The following HINFP variants were observed in gnomAD, a reference collection of about 807,000 sequenced individuals.
HINFP encodes the protein histone H4 transcription factor, also known as MBD2 (methyl-CpG-binding protein)-interacting zinc finger protein.
A neutral mutation model predicts 50.1 loss-of-function variants in HINFP; 20 were observed. The observed-to-expected ratio is 0.40, with a 90% CI of 0.28 to 0.58. The LOEUF (loss-of-function observed/expected upper bound fraction) is 0.58. Ranked by LOEUF, HINFP falls within the 20% of genes least tolerant of loss-of-function variation. The pLI is 0.45. For synonymous variants in HINFP, 247 were observed against 243.7 expected, an observed-to-expected ratio of 1.01 and a Z score of -0.13; for missense variants, 505 against 664.1, an observed-to-expected ratio of 0.76 and a Z score of 2.63.
At position 119,131,866 on chromosome 11, in the gene HINFP, G is replaced by A. The variant is rs761206642; in HGVS notation, c.560G>A (p.Arg187Gln). The A allele has an allele frequency of 1.4e-5, 23 of 1,614,012 alleles. No homozygotes were observed. The highest frequency in any genetic ancestry group is 7.7e-5 in the South Asian group (7 of 91,080). Residue 187 changes from arginine (R) to glutamine (Q), a missense_variant, in exon 5 of 10, where the codon CGA becomes CAA. By Grantham distance (43) the Arg-to-Gln change is conservative. Transcript: ENST00000350777. The surrounding 1 kb of genome is among the most constrained non-coding windows in gnomAD (Gnocchi z 4.2). ...ACCTTCAAGGACCGCAGTAAACTTCGAGAGCACCTCCGCAGCCATACCCAG... is the reference window on the plus strand; with the variant it reads ...ACCTTCAAGGACCGCAGTAAACTTCAAGAGCACCTCCGCAGCCATACCCAG... Reference protein sequence around the residue: ...TCTFKDRSKLREHLRSHTQEK... With the variant: ...TCTFKDRSKLQEHLRSHTQEK...
chr11:119,134,113 G>A lies in HINFP; in HGVS notation c.1169G>A (p.Arg390Gln), dbSNP rs755237577. ...AAGGAACATGAAGATGGCTATATGC[G>A]GCTGCAGCTGGTTCGCTACGAGAGT... ...RYKEHEDGYM[R>Q]LQLVRYESVE... is the part of the protein sequence containing the mutation. Residue 390 changes from arginine (R) to glutamine (Q), a missense_variant, in exon 10 of 10, where the codon CGG becomes CAG. By Grantham distance (43) the Arg-to-Gln change is conservative. Transcript: ENST00000350777. This position sits in a 1 kb window ranked among gnomAD's most constrained non-coding sequence, Gnocchi z 4.3. 3.7e-6 allele frequency: 6 copies of A among 1,614,128 alleles called. No individual in the cohort carries two copies. The highest frequency in any genetic ancestry group is 2.2e-5 in the East Asian group (1 of 44,872).
At chr11:119,122,960 T>C (rs1947157509) in intron 1 of HINFP, among the ~76,000 whole-genome samples, 3 of 151,862 alleles carry the variant, frequency 2.0e-5, no homozygotes, top group African/African-American at 7.3e-5. Context: ...TCGTCTCTAC[T>C]AATACTACAA....
At position 119,130,608 on chromosome 11, in the gene HINFP, T is replaced by A. The variant is rs1947696597; in HGVS notation, c.182-117T>A. The A allele has an allele frequency of 4.9e-6, 4 of 812,952 alleles. No individual in the cohort carries two copies. The East Asian group carries it at 9.9e-5, about 20-fold the overall frequency. The allele number at this position is 812,952 out of a possible 1,614,324, so 50.4% of individuals were successfully genotyped here. On this transcript the variant is annotated intron_variant, in intron 2 of 9. Coordinates refer to ENST00000350777, the MANE Select transcript of HINFP (RefSeq NM_198971.3). ...TGCTAAATGAACCCTGGTAATTTGG[T>A]TAGAGTCCAGCCTCCTCACGAGTCC... is the stretch of plus-strand genomic sequence containing the variant.
In HINFP at chr11:119,134,135, G is replaced by A. The variant is rs1241481966; in HGVS notation, c.1191G>A (p.Glu397=). ...GYMRLQLVRY[E]SVELTQQLLR... ...TGCGGCTGCAGCTGGTTCGCTACGAGAGTGTAGAGCTGACACAGCAACTGC... is the reference window on the plus strand; with the variant it reads ...TGCGGCTGCAGCTGGTTCGCTACGAAAGTGTAGAGCTGACACAGCAACTGC... The change falls in exon 10 of 10, where the codon GAG becomes GAA. Residue 397 remains glutamate (E), a synonymous_variant. Coordinates refer to ENST00000350777, the MANE Select transcript of HINFP (RefSeq NM_198971.3). The surrounding 1 kb of genome is among the most constrained non-coding windows in gnomAD (Gnocchi z 4.3). The A allele has an allele frequency of 5.6e-6, 9 of 1,614,226 alleles. No individual in the cohort carries two copies. Among genetic ancestry groups the A allele is most frequent in the Non-Finnish European group, 7.6e-6 (9 of 1,180,034 alleles).
At chr11:119,127,205 G>T (rs923800543) in intron 2 of HINFP, 80 bp downstream of exon 2, 12 of 1,210,312 alleles carry the variant, frequency 9.9e-6, no homozygotes, top group Non-Finnish European at 1.3e-5. Flanking sequence ...GAGGGAGAAG[G>T]CGGCCTAAGA....
In HINFP at chr11:119,134,628, C is replaced by G; in HGVS notation, c.*130C>G. 1 of 680,616 alleles carries G rather than the reference C, an allele frequency of 1.5e-6. No homozygotes were observed. The highest frequency in any genetic ancestry group is 2.4e-6 in the Non-Finnish European group (1 of 414,558). The allele number at this position is 680,616 out of a possible 1,614,324, so 42.2% of individuals were successfully genotyped here. ...GGTGCCGAGAGCAGTGTGGTCCACTCTGGCCTGGGTTTGCATCATTCTGCA... is the reference window on the plus strand; with the variant it reads ...GGTGCCGAGAGCAGTGTGGTCCACTGTGGCCTGGGTTTGCATCATTCTGCA... On this transcript the variant is annotated 3_prime_UTR_variant, in exon 10 of 10. Coordinates refer to ENST00000350777, the MANE Select transcript of HINFP (RefSeq NM_198971.3). The surrounding 1 kb of genome is among the most constrained non-coding windows in gnomAD (Gnocchi z 4.3).
chr11:119,132,445 C>T, intron 5 of HINFP, 51 bp from the exon 6 acceptor site: 2 of 1,586,678 alleles, frequency 1.3e-6, no homozygotes, highest in Non-Finnish European at 8.6e-7. Context: ...CCTTTCTGTG[C>T]CTCTCCACTA....
At position 119,126,980 on chromosome 11, in the gene HINFP, T is replaced by G; in HGVS notation, c.36T>G (p.Asn12Lys). Residue 12 changes from asparagine to lysine, a missense_variant, in exon 2 of 10, where the codon AAT becomes AAG. Asn to Lys is a moderately conservative substitution (Grantham distance 94). Coordinates refer to ENST00000350777, the MANE Select transcript of HINFP (RefSeq NM_198971.3). ...PPPGKVPRKE[N>K]LWLQCEWGSC... The stretch of plus-strand genomic sequence containing the variant: ...CTGGGAAAGTTCCCCGAAAGGAGAA[T>G]CTGTGGCTACAGTGTGAGTGGGGGT... The G allele has an allele frequency of 6.2e-7, 1 of 1,613,846 alleles. No individual in the cohort carries two copies. The highest frequency in any genetic ancestry group is 8.5e-7 in the Non-Finnish European group (1 of 1,179,910).
At position 119,131,241 on chromosome 11, in the gene HINFP, A is replaced by G. The variant is rs1947736021; in HGVS notation, c.411+287A>G. 1 of 597,038 alleles carries G rather than the reference A, an allele frequency of 1.7e-6. No homozygotes were observed. Among genetic ancestry groups the G allele is most frequent in the African/African-American group, 1.8e-5 (1 of 54,156 alleles). 37.0% of individuals were successfully genotyped at this position (597,038 alleles called of 1,614,324 possible). Reference sequence around the variant, plus strand: ...GTAGCTAGGACTACAGGCATGTACCACCATGCCCTGCTAACTTCTAAATTT... The same window carrying G: ...GTAGCTAGGACTACAGGCATGTACCGCCATGCCCTGCTAACTTCTAAATTT... On this transcript the variant is annotated intron_variant, in intron 3 of 9. Transcript: ENST00000350777. The surrounding 1 kb of genome is among the most constrained non-coding windows in gnomAD (Gnocchi z 4.2).
At position 119,127,063 on chromosome 11, in the gene HINFP, T is replaced by TGCA; in HGVS notation, c.126_128dup (p.Gln42dup). 1.2e-6 allele frequency: 2 copies of TGCA among 1,614,038 alleles called. No individual in the cohort carries two copies. The highest frequency in any genetic ancestry group is 1.7e-6 in the Non-Finnish European group (2 of 1,179,988). ...TTCTTTGAGCATGTCACTCAGCACCTGCAGCAGCACCTGCATGGCTCTGGG... is the reference window on the plus strand; with the variant it reads ...TTCTTTGAGCATGTCACTCAGCACCTGCAGCAGCAGCACCTGCATGGCTCTGGG... On this transcript the variant is annotated inframe_insertion, in exon 2 of 10. Transcript: ENST00000350777.
Position 119,134,127 on chromosome 11 carries a change from C to T in HINFP, c.1183C>T (p.Arg395Cys). The T allele has an allele frequency of 2.5e-6, 4 of 1,614,160 alleles. No homozygotes were observed. The highest frequency in any genetic ancestry group is 3.4e-6 in the Non-Finnish European group (4 of 1,180,046). The change falls in exon 10 of 10, where the codon CGC becomes TGC. Residue 395 changes from arginine (R) to cysteine (C), a missense_variant. By Grantham distance (180) the Arg-to-Cys change is radical. Coordinates refer to ENST00000350777, the MANE Select transcript of HINFP (RefSeq NM_198971.3). The surrounding 1 kb of genome is among the most constrained non-coding windows in gnomAD (Gnocchi z 4.3). ...TGGCTATATGCGGCTGCAGCTGGTT[C>T]GCTACGAGAGTGTAGAGCTGACACA... Reference protein sequence around the residue: ...EDGYMRLQLVRYESVELTQQL... With the variant: ...EDGYMRLQLVCYESVELTQQL...
rs138951316 is a variant in HINFP, at chr11:119,123,346, G to A, written c.-11+1707G>A. On this transcript the variant is annotated intron_variant, in intron 1 of 9. Transcript: ENST00000350777. ...AAGTGTAGAGAGGACTCACCACAGG[G>A]CTGACACACTGTAGCTTCTCAATAG... is the stretch of plus-strand genomic sequence containing the variant. 3.6e-4 allele frequency among the ~76,000 whole-genome samples: 55 copies of A among 152,092 alleles called. No individual in the cohort carries two copies. The East Asian group carries it at 9.7e-3, about 27-fold the overall frequency.
At position 119,131,525 on chromosome 11, in the gene HINFP, C is replaced by T. The variant is rs375489988; in HGVS notation, c.412-10C>T. ...CCCTCAGTCCTCACCCCAAGTTGCC[C>T]CTGGCACAGAATTCCTTCGACAATC... On this transcript the variant is annotated splice_polypyrimidine_tract_variant and intron_variant, in intron 3 of 9. Coordinates refer to ENST00000350777, the MANE Select transcript of HINFP (RefSeq NM_198971.3). The surrounding 1 kb of genome is among the most constrained non-coding windows in gnomAD (Gnocchi z 4.2). 23 of 1,606,248 alleles carry T rather than the reference C, an allele frequency of 1.4e-5. No homozygotes were observed. In the African/African-American group the frequency reaches 2.3e-4, roughly 16 times the overall value.
In HINFP at chr11:119,133,080, T is replaced by C; in HGVS notation, c.1015-15T>C. ...GTGAAGAGCTGGTCTCATTTCTCCCTTCCTTCCCCATCAGGGAGACTCTGA... is the reference window on the plus strand; with the variant it reads ...GTGAAGAGCTGGTCTCATTTCTCCCCTCCTTCCCCATCAGGGAGACTCTGA... On this transcript the variant is annotated splice_polypyrimidine_tract_variant and intron_variant, in intron 8 of 9. Transcript: ENST00000350777. The C allele has an allele frequency of 6.2e-7, 1 of 1,614,206 alleles. No homozygotes were observed. Among genetic ancestry groups the C allele is most frequent in the East Asian group, 2.2e-5 (1 of 44,890 alleles).
intron 2 of HINFP, 185 bp from the exon 3 acceptor site, chr11:119,130,540 C>T (rs1592279135): frequency 3.4e-6 from 2 of 590,400 alleles, no homozygotes; most frequent in East Asian, 5.7e-5. Context: ...TGTTATAGTC[C>T]CTCTAACTGG....
At position 119,134,087 on chromosome 11, in the gene HINFP, C is replaced by T. The variant is rs1947932832; in HGVS notation, c.1143C>T (p.Tyr381=). The T allele has an allele frequency of 1.9e-6, 3 of 1,614,162 alleles. No individual in the cohort carries two copies. Among genetic ancestry groups the T allele is most frequent in the Non-Finnish European group, 2.5e-6 (3 of 1,180,036 alleles). The change falls in exon 10 of 10, where the codon TAC becomes TAT. Residue 381 remains tyrosine (Y), a synonymous_variant. Transcript: ENST00000350777. The surrounding 1 kb of genome is among the most constrained non-coding windows in gnomAD (Gnocchi z 4.3). Reference sequence around the variant, plus strand: ...CTTTATGCTCCTACCTCACCAGGTACAAGGAACATGAAGATGGCTATATGC... The same window carrying T: ...CTTTATGCTCCTACCTCACCAGGTATAAGGAACATGAAGATGGCTATATGC... ...KWPSGHPRFR[Y]KEHEDGYMRL...
Position 119,131,498 on chromosome 11 carries a change from C to A in HINFP, c.412-37C>A. ...GCACATAGGGGTGAGTCCCTCTACCCACCCTCAGTCCTCACCCCAAGTTGC... is the reference window on the plus strand; with the variant it reads ...GCACATAGGGGTGAGTCCCTCTACCAACCCTCAGTCCTCACCCCAAGTTGC... On this transcript the variant is annotated intron_variant, in intron 3 of 9. Transcript: ENST00000350777. The surrounding 1 kb of genome is among the most constrained non-coding windows in gnomAD (Gnocchi z 4.2). 7.1e-7 allele frequency: 1 copy of A among 1,416,226 alleles called. No individual in the cohort carries two copies. Among genetic ancestry groups the A allele is most frequent in the Non-Finnish European group, 1.0e-6 (1 of 999,214 alleles). The allele number at this position is 1,416,226 out of a possible 1,614,324, so 87.7% of individuals were successfully genotyped here. A position where few individuals can be genotyped will look rare whatever the true frequency, so the allele number is the denominator to read the frequency against.
chr11:119,129,229 C>CA (rs1252676268), intron 2 of HINFP, among the ~76,000 whole-genome samples: 1 of 151,868 alleles, frequency 6.6e-6, no homozygotes, highest in Non-Finnish European at 1.5e-5. Context: ...TTAGTAGAGA[C>CA]AGGATTTCAC....
chr11:119,121,767 C>G (rs1466938701), intron 1 of HINFP, 128 bp downstream of exon 1: 1 of 152,480 alleles, frequency 6.6e-6, no homozygotes, highest in Non-Finnish European at 1.5e-5. Context: ...CCGACTGGAA[C>G]CTCCCTGCTT....
Sources: gnomAD v4.1 joint callset for allele counts (sites outside exome capture counted in the v4.1 genomes callset) on GRCh38, gnomAD v4.1.1 for gene constraint, Gnocchi (gnomAD v3.1) non-coding constraint, MANE v1.5 for transcripts, NCBI Gene and HGNC (gene_info 2026-07-23, HGNC 2026-07-21) for gene names.